NDUFAF7: variants seen among roughly 807,000 people sequenced by gnomAD.
The protein encoded by NDUFAF7 is NADH:ubiquinone oxidoreductase complex assembly factor 7.
Under a neutral mutation model 47.2 loss-of-function variants are expected in NDUFAF7, and 48 were observed. The observed-to-expected ratio is 1.02, with a 90% CI of 0.81 to 1.29. The LOEUF (loss-of-function observed/expected upper bound fraction) is 1.29. NDUFAF7 is among the 50% of genes most tolerant of loss of function. The pLI is 0.00. For missense variants in NDUFAF7, 635 were observed against 537.6 expected, an observed-to-expected ratio of 1.18 and a Z score of -1.79; for synonymous variants, 217 against 190.0, an observed-to-expected ratio of 1.14 and a Z score of -1.17.
At chr2:37,253,295 T>C, downstream of NDUFAF7, 1 of 1,613,250 alleles carries the variant, frequency 6.2e-7, no homozygotes. Flanking sequence ...ATGTGTAATG[T>C]AACGTTCTCC....
downstream of NDUFAF7, among the ~76,000 whole-genome samples, chr2:37,250,184 G>A (rs1558511515): frequency 6.6e-6 from 1 of 151,942 alleles, no homozygotes; most frequent in Non-Finnish European, 1.5e-5. Context: ...CTTTTCAGAT[G>A]CTGCCCAGCC....
the NDUFAF7 span, among the ~76,000 whole-genome samples, chr2:37,263,988 A>G: frequency 1.3e-5 from 2 of 152,306 alleles, no homozygotes; most frequent in East Asian, 3.9e-4. Flanking sequence ...TTCTAATTAC[A>G]TAGGTACCTA....
intron 1 of NDUFAF7, 62 bp downstream of exon 1, chr2:37,231,822 C>G (rs1003078941): frequency 6.2e-7 from 1 of 1,609,180 alleles, no homozygotes; most frequent in Non-Finnish European, 8.5e-7. Context: ...CCTTCCTCAG[C>G]TCTTCAGTTG....
chr2:37,265,416 A>C, the NDUFAF7 span, among the ~76,000 whole-genome samples: 6 of 152,170 alleles, frequency 3.9e-5, no homozygotes, highest in Admixed American at 1.3e-4. Flanking sequence ...GTACTAATAG[A>C]ATATTCTAGA....
the NDUFAF7 span, chr2:37,269,698 A>G: frequency 2.5e-5 from 39 of 1,584,208 alleles, no homozygotes; most frequent in Non-Finnish European, 3.0e-5. Flanking sequence ...CTGGTAGGAT[A>G]AAGTAAGGAG....
chr2:37,237,494 A>G (rs1558492979), intron 3 of NDUFAF7, among the ~76,000 whole-genome samples: 1 of 152,220 alleles, frequency 6.6e-6, no homozygotes, highest in Non-Finnish European at 1.5e-5. Flanking sequence ...TCTGCTAGTG[A>G]TATCCTCTTA....
At chr2:37,259,464 CTA>C in the NDUFAF7 span, 1 of 600,706 alleles carries the variant, frequency 1.7e-6, no homozygotes. Flanking sequence ...AGGCTAAAAA[CTA>C]TTTTTGTAAG....
At position 37,247,437 on chromosome 2, in the gene NDUFAF7, T is replaced by G. The variant is rs115073151; in HGVS notation, c.937-19T>G. ...TAATAACCATAAAAGGGCAAAAATC[T>G]GATTTCTTTATGTTCAAGGGGTTTT... On this transcript the variant is annotated intron_variant, in intron 8 of 9. Coordinates refer to ENST00000002125, the MANE Select transcript of NDUFAF7 (RefSeq NM_144736.5). 1.2e-3 allele frequency: 1,896 copies of G among 1,613,912 alleles called. 19 individuals are homozygous for G. In the African/African-American group the frequency reaches 0.022, roughly 19 times the overall value.
chr2:37,246,335 TC>T (rs1666898153), intron 8 of NDUFAF7, 140 bp downstream of exon 8: 3 of 1,028,962 alleles, frequency 2.9e-6, no homozygotes, highest in Non-Finnish European at 4.3e-6. Flanking sequence ...TTATTGTAAT[TC>T]CCCTTAACCC....
At chr2:37,255,539 G>A (rs185435820), downstream of NDUFAF7, among the ~76,000 whole-genome samples, 3 of 152,288 alleles carry the variant, frequency 2.0e-5, no homozygotes, top group East Asian at 5.8e-4. Flanking sequence ...AAAAAGAGAT[G>A]TATGCAGCTT....
chr2:37,244,285 G>A lies in NDUFAF7; in HGVS notation c.792+312G>A, dbSNP rs148935572. Among the ~76,000 whole-genome samples, 11 of 152,334 alleles carry A rather than the reference G, an allele frequency of 7.2e-5. 1 individual carries two copies. Among genetic ancestry groups the A allele is most frequent in the African/African-American group, 1.9e-4 (8 of 41,580 alleles). ...ATGGTAATGGTATTGTCCACAGGAA[G>A]AGTTTACATCTGTGAAAGCAATGTA... On this transcript the variant is annotated intron_variant, in intron 7 of 9. Transcript: ENST00000002125.
chr2:37,249,545 C>T (rs56059847), downstream of NDUFAF7, among the ~76,000 whole-genome samples: 1 of 141,124 alleles, frequency 7.1e-6, no homozygotes. Flanking sequence ...CCGTTGCACT[C>T]TAGCCTGTGA....
chr2:37,256,570 C>G, downstream of NDUFAF7: 1 of 1,375,000 alleles, frequency 7.3e-7, no homozygotes, highest in Non-Finnish European at 9.5e-7. Flanking sequence ...AGATAAGTTG[C>G]AAGAGACAGA....
the NDUFAF7 span, among the ~76,000 whole-genome samples, chr2:37,262,698 T>TA: frequency 1.3e-5 from 2 of 152,158 alleles, no homozygotes; most frequent in Non-Finnish European, 2.9e-5. Context: ...TGCCCTCCTT[T>TA]AAAAACACGT....
At chr2:37,256,628 A>ATTTTTTTTTTTTTTT, downstream of NDUFAF7, 2 of 1,196,940 alleles carry the variant, frequency 1.7e-6, no homozygotes, top group East Asian at 6.3e-5. Context: ...CATAGCCAAA[A>ATTTTTTTTTTTTTTT]TTTTTTTTTT....
chr2:37,263,394 A>G, the NDUFAF7 span, among the ~76,000 whole-genome samples: 1 of 152,190 alleles, frequency 6.6e-6, no homozygotes, highest in African/African-American at 2.4e-5. Context: ...TTAATGAGGC[A>G]TTCTTTGTTT....
chr2:37,247,702 C>T, intron 9 of NDUFAF7, 73 bp downstream of exon 9: 1 of 1,536,326 alleles, frequency 6.5e-7, no homozygotes, highest in East Asian at 2.3e-5. Flanking sequence ...ATAGTATGTT[C>T]ACCTGGCCTT....
At chr2:37,240,895 T>G (rs531147004) in intron 4 of NDUFAF7, among the ~76,000 whole-genome samples, 1 of 152,340 alleles carries the variant, frequency 6.6e-6, no homozygotes, top group South Asian at 2.1e-4. Context: ...GGAAAAATCA[T>G]CTTGTTCATA....
chr2:37,237,089 G>C (rs1665874123), intron 3 of NDUFAF7, among the ~76,000 whole-genome samples: 2 of 152,190 alleles, frequency 1.3e-5, no homozygotes, highest in South Asian at 4.1e-4. Context: ...TCCTGCCTCA[G>C]CCTCCCGAGT....
Sources: allele counts gnomAD v4.1 joint callset (sites outside exome capture counted in the v4.1 genomes callset), GRCh38; gene constraint gnomAD v4.1.1; transcripts MANE v1.5; gene names NCBI Gene and HGNC (gene_info 2026-07-23, HGNC 2026-07-21).